The following LRP1B variants were observed in gnomAD, a reference collection of about 807,000 sequenced individuals.
The protein encoded by LRP1B is LDL receptor related protein 1B.
Under a neutral mutation model 556.6 loss-of-function variants are expected in LRP1B, and 217 were observed. That is an observed-to-expected ratio of 0.39 (90% CI 0.35 to 0.44). The LOEUF (loss-of-function observed/expected upper bound fraction) is 0.44. LRP1B is among the 20% of genes least tolerant of loss of function. LRP1B has a pLI of 1.00. For synonymous variants in LRP1B, 2,047 were observed against 1,865.8 expected (o/e 1.10, Z -2.50); for missense variants, 5,053 against 5,620.8 (o/e 0.90, Z 3.23).
In LRP1B at chr2:140,485,839, A is replaced by ACGCG. The variant is rs1390417475; in HGVS notation, c.9244-316_9244-315insCGCG. Among the ~76,000 whole-genome samples the ACGCG allele has an allele frequency of 7.7e-3, 832 of 108,018 alleles. 10 individuals carry two copies. The highest frequency in any genetic ancestry group is 0.029 in the African/African-American group (781 of 26,682). 70.9% of individuals were successfully genotyped at this position (108,018 alleles called of 152,430 possible). On this transcript the variant is annotated intron_variant, in intron 58 of 90. Transcript: ENST00000389484. ...TCTTAAAATTTGGGACAAAATTCTCACGCACATACACACACACACACACAC... is the reference window on the plus strand; with the variant it reads ...TCTTAAAATTTGGGACAAAATTCTCACGCGCGCACATACACACACACACACACAC...
At chr2:140,469,244 G>A (rs1007294349) in intron 60 of LRP1B, among the ~76,000 whole-genome samples, 9 of 152,078 alleles carry the variant, frequency 5.9e-5, no homozygotes, top group East Asian at 5.8e-4. Context: ...CTCTATCCTC[G>A]TAAATGGGAA....
At chr2:140,940,659 C>A (rs893715542) in intron 20 of LRP1B, among the ~76,000 whole-genome samples, 1 of 152,090 alleles carries the variant, frequency 6.6e-6, no homozygotes, top group Non-Finnish European at 1.5e-5. Context: ...AGACTGTTCG[C>A]CAAGTCTATC....
chr2:141,583,266 G>T (rs1474038628), intron 2 of LRP1B, among the ~76,000 whole-genome samples: 2 of 152,120 alleles, frequency 1.3e-5, no homozygotes, highest in African/African-American at 2.4e-5. Context: ...GAATATAAAT[G>T]AATAAAGCAA....
Position 140,351,021 on chromosome 2 carries a change from G to T in LRP1B, c.11668C>A (p.Leu3890Ile). The part of the protein sequence containing the change: ...CIAEGSEDQV[L>I]YIANDTDILG... The stretch of plus-strand genomic sequence containing the variant: ...ATATCAGTGTCATTAGCAATGTAGA[G>T]AACTTGATCTTCAGAGCCTGGAGAT... The change falls in exon 77 of 91, where the codon CTC becomes ATC. Residue 3890 changes from leucine to isoleucine, a missense_variant. This residue lies in a region of LRP1B where 599 missense variants were observed against 648.4 expected (regional missense o/e 0.92). Transcript: ENST00000389484. 1 of 1,581,308 alleles carries T rather than the reference G, an allele frequency of 6.3e-7. No homozygotes were observed. The highest frequency in any genetic ancestry group is 1.4e-5 in the African/African-American group (1 of 73,708).
rs1264778319 is a variant in LRP1B, at chr2:140,872,050, T to A, written c.4170-3787A>T. Among the ~76,000 whole-genome samples, 3 of 53,220 alleles carry A rather than the reference T, an allele frequency of 5.6e-5. No individual in the cohort carries two copies. The South Asian group carries it at 2.2e-3, about 40-fold the overall frequency. 34.9% of individuals were successfully genotyped at this position (53,220 alleles called of 152,430 possible). A position where few individuals can be genotyped will look rare whatever the true frequency, so the allele number is the denominator to read the frequency against. ...TGTGTTTGTATTTAAAAGTCCTTCA[T>A]GTTTTTTTTTTTTTCTCTCCTAGGA... On this transcript the variant is annotated intron_variant, in intron 25 of 90. Transcript: ENST00000389484.
At chr2:141,935,597 AT>A in intron 1 of LRP1B, among the ~76,000 whole-genome samples, 1 of 152,186 alleles carries the variant, frequency 6.6e-6, no homozygotes, top group Admixed American at 6.5e-5. Flanking sequence ...ATCTAAGCTT[AT>A]TAATACTTGA....
chr2:140,417,851 T>C (rs926437931), intron 66 of LRP1B, among the ~76,000 whole-genome samples: 3 of 152,240 alleles, frequency 2.0e-5, no homozygotes, highest in Admixed American at 1.3e-4. Context: ...GCCTTCAGCA[T>C]GTGCAGTAAA....
At chr2:140,585,430 GT>G (rs1418872306) in intron 43 of LRP1B, among the ~76,000 whole-genome samples, 1 of 152,034 alleles carries the variant, frequency 6.6e-6, no homozygotes, top group Non-Finnish European at 1.5e-5. Flanking sequence ...AAAGCAGTAT[GT>G]TCTATTTTAC....
intron 29 of LRP1B, among the ~76,000 whole-genome samples, chr2:140,845,379 T>A (rs1692243295): frequency 6.6e-6 from 1 of 152,142 alleles, no homozygotes; most frequent in African/African-American, 2.4e-5. Flanking sequence ...TTAAACTGAT[T>A]CCTGGTTTAT....
chr2:140,871,357 ATAAATATTTTT>A (rs66477021), intron 25 of LRP1B, among the ~76,000 whole-genome samples: 24,987 of 152,124 alleles, frequency 0.16, 2,154 homozygotes, highest in Non-Finnish European at 0.18. Context: ...TTGATAGAGA[ATAAATATTTTT>A]TAAAGGAAAA....
intron 2 of LRP1B, among the ~76,000 whole-genome samples, chr2:141,686,524 C>T (rs1203430848): frequency 6.6e-6 from 1 of 151,826 alleles, no homozygotes. Context: ...TTATAGATGA[C>T]TATGGTAGTT....
At chr2:140,638,887 TATAA>T (rs1425114231) in intron 41 of LRP1B, among the ~76,000 whole-genome samples, 4 of 151,820 alleles carry the variant, frequency 2.6e-5, no homozygotes, top group African/African-American at 9.7e-5. Flanking sequence ...TATGTGTATA[TATAA>T]ATATGAACAA....
chr2:140,264,023 G>C (rs182949173), intron 86 of LRP1B, among the ~76,000 whole-genome samples: 1 of 152,108 alleles, frequency 6.6e-6, no homozygotes, highest in African/African-American at 2.4e-5. Context: ...GGGGATTGAG[G>C]CATCAGCACA....
intron 32 of LRP1B, among the ~76,000 whole-genome samples, chr2:140,802,170 A>G (rs1488658514): frequency 6.6e-6 from 1 of 152,164 alleles, no homozygotes; most frequent in Non-Finnish European, 1.5e-5. Context: ...GTGGTTGTCA[A>G]TGGAAGGTTT....
chr2:141,321,808 TACAA>T (rs1271531419), intron 3 of LRP1B, among the ~76,000 whole-genome samples: 1 of 152,160 alleles, frequency 6.6e-6, no homozygotes, highest in African/African-American at 2.4e-5. Flanking sequence ...ATTTGTAGTT[TACAA>T]AACAATCTGA....
At chr2:140,267,323 T>G (rs1682251131) in intron 86 of LRP1B, among the ~76,000 whole-genome samples, 1 of 151,974 alleles carries the variant, frequency 6.6e-6, no homozygotes, top group South Asian at 2.1e-4. Flanking sequence ...TGCAGTATAG[T>G]CATCTTCAGT....
intron 4 of LRP1B, among the ~76,000 whole-genome samples, chr2:141,252,455 C>T (rs1684300624): frequency 6.6e-6 from 1 of 152,114 alleles, no homozygotes; most frequent in Non-Finnish European, 1.5e-5. Context: ...ATGGATGGCT[C>T]ATTTGAAGTA....
At chr2:140,977,244 G>A (rs1343139584) in intron 18 of LRP1B, among the ~76,000 whole-genome samples, 1 of 152,084 alleles carries the variant, frequency 6.6e-6, no homozygotes, top group Non-Finnish European at 1.5e-5. Context: ...TGAGATCTGA[G>A]GGTATCATTA....
chr2:141,546,671 T>G (rs1396558791), intron 2 of LRP1B, among the ~76,000 whole-genome samples: 1 of 152,192 alleles, frequency 6.6e-6, no homozygotes. Flanking sequence ...AGATTCCCTT[T>G]CTTAAGCTTG....
Sources: allele counts gnomAD v4.1 joint callset (sites outside exome capture counted in the v4.1 genomes callset), GRCh38; gene constraint gnomAD v4.1.1; regional missense constraint gnomAD v4.1.1; transcripts MANE v1.5; gene names NCBI Gene and HGNC (gene_info 2026-07-23, HGNC 2026-07-21).